LSM14B: variants seen among roughly 807,000 people sequenced by gnomAD.
LSM14B encodes the protein protein LSM14 homolog B.
In LSM14B, 8 loss-of-function variants were observed where a neutral mutation model predicts 42.1. The ratio of observed to expected loss-of-function variants is 0.19; its 90% CI spans 0.11 to 0.34. The LOEUF (loss-of-function observed/expected upper bound fraction) is 0.34. Among genes scored for constraint, LSM14B ranks in the 10% least tolerant of loss-of-function variants. The pLI is 1.00. For synonymous variants in LSM14B, 219 were observed against 209.7 expected (o/e 1.04, Z -0.38); for missense variants, 396 against 513.1 (o/e 0.77, Z 2.21).
At chr20:62,126,870 A>G (rs750913327) in intron 3 of LSM14B, among the ~76,000 whole-genome samples, 1 of 152,082 alleles carries the variant, frequency 6.6e-6, no homozygotes, top group Non-Finnish European at 1.5e-5. Flanking sequence ...GGTGGGACAC[A>G]CCTGTAATCC....
chr20:62,122,915 C>A lies in LSM14B; in HGVS notation c.127+122C>A. On this transcript the variant is annotated intron_variant, in intron 1 of 8. Coordinates refer to ENST00000279068, the MANE Select transcript of LSM14B (RefSeq NM_144703.3). This position sits in a 1 kb window ranked among gnomAD's most constrained non-coding sequence, Gnocchi z 4.6. Reference sequence around the variant, plus strand: ...GCCCAGACCCCGCCCAGAACCCACCCAGGGCACACCCGGCCCGAGATCCCC... The same window carrying A: ...GCCCAGACCCCGCCCAGAACCCACCAAGGGCACACCCGGCCCGAGATCCCC... 1.1e-6 allele frequency: 1 copy of A among 896,414 alleles called. No homozygotes were observed. The highest frequency in any genetic ancestry group is 1.4e-6 in the Non-Finnish European group (1 of 691,818). 55.5% of individuals were successfully genotyped at this position (896,414 alleles called of 1,614,324 possible).
Position 62,135,150 on chromosome 20 carries a change from G to C in LSM14B, c.*1002G>C, listed in dbSNP as rs1004784585. ...TCGATGGGTCAGAACTTTAGTATAC[G>C]CATGCGTCCTCTGAGTGACAGGGCA... On this transcript the variant is annotated 3_prime_UTR_variant, in exon 9 of 9. Coordinates refer to ENST00000279068, the MANE Select transcript of LSM14B (RefSeq NM_144703.3). The C allele has an allele frequency of 6.6e-6, 1 of 152,202 alleles. No homozygotes were observed. Among genetic ancestry groups the C allele is most frequent in the Admixed American group, 6.5e-5 (1 of 15,278 alleles). The allele number at this position is 152,202 out of a possible 1,614,324, so 9.4% of individuals were successfully genotyped here. A position where few individuals can be genotyped will look rare whatever the true frequency, so the allele number is the denominator to read the frequency against.
chr20:62,124,335 C>T (rs545326399), intron 1 of LSM14B, among the ~76,000 whole-genome samples: 7 of 152,354 alleles, frequency 4.6e-5, no homozygotes, highest in East Asian at 1.9e-4. Context: ...GAGCTCTGTA[C>T]GTTGGTGCCT....
At chr20:62,125,671 A>G (rs2145601434) in intron 2 of LSM14B, among the ~76,000 whole-genome samples, 1 of 152,334 alleles carries the variant, frequency 6.6e-6, no homozygotes, top group Non-Finnish European at 1.5e-5. Flanking sequence ...TTCAGACTGC[A>G]TTAGGTTCTG....
At chr20:62,128,459 A>G (rs948787276) in intron 3 of LSM14B, among the ~76,000 whole-genome samples, 32 of 152,214 alleles carry the variant, frequency 2.1e-4, no homozygotes, top group African/African-American at 7.5e-4. Context: ...CAAATCCTGC[A>G]TGCACTCTGT....
At chr20:62,123,089 GC>G (rs1000089661) in intron 1 of LSM14B, 36 of 163,562 alleles carry the variant, frequency 2.2e-4, no homozygotes, top group Non-Finnish European at 4.2e-4. Flanking sequence ...TGAGGGGCGG[GC>G]CCGGCCCCCG....
intron 7 of LSM14B, among the ~76,000 whole-genome samples, chr20:62,131,718 C>T (rs924179819): frequency 9.2e-5 from 14 of 152,124 alleles, no homozygotes; most frequent in African/African-American, 2.9e-4. Context: ...TGGCTGAGGT[C>T]GAGCCTGTTT....
chr20:62,128,973 T>A lies in LSM14B; in HGVS notation c.428-812T>A, dbSNP rs1023473923. 11 of 1,304,134 alleles carry A rather than the reference T, an allele frequency of 8.4e-6. No homozygotes were observed. The Admixed American group carries it at 2.5e-4, about 30-fold the overall frequency. The allele number at this position is 1,304,134 out of a possible 1,614,324, so 80.8% of individuals were successfully genotyped here. On this transcript the variant is annotated intron_variant, in intron 3 of 8. Coordinates refer to ENST00000279068, the MANE Select transcript of LSM14B (RefSeq NM_144703.3). The stretch of plus-strand genomic sequence containing the variant: ...CTGTTCACTTACACCCAGTCCCACA[T>A]TGTCCTGTTTAGAGTCCCTACAGGT...
Position 62,130,095 on chromosome 20 carries a change from C to T in LSM14B, c.596-124C>T. The T allele has an allele frequency of 6.9e-7, 1 of 1,442,512 alleles. No individual in the cohort carries two copies. Among genetic ancestry groups the T allele is most frequent in the South Asian group, 1.3e-5 (1 of 77,022 alleles). 89.4% of individuals were successfully genotyped at this position (1,442,512 alleles called of 1,614,324 possible). A position where few individuals can be genotyped will look rare whatever the true frequency, so the allele number is the denominator to read the frequency against. The stretch of plus-strand genomic sequence containing the variant: ...TGTGCTTTTGCAGGGCAGGCCTGTG[C>T]AGCAGCCTCCTGCGGTGCCGCCCTG... On this transcript the variant is annotated intron_variant, in intron 4 of 8. Coordinates refer to ENST00000279068, the MANE Select transcript of LSM14B (RefSeq NM_144703.3). This position sits in a 1 kb window ranked among gnomAD's most constrained non-coding sequence, Gnocchi z 4.1.
chr20:62,124,854 G>A, intron 2 of LSM14B, 74 bp downstream of exon 2: 1 of 1,465,234 alleles, frequency 6.8e-7, no homozygotes, highest in South Asian at 1.3e-5. Context: ...TGGCATGTTT[G>A]GTCAGAACGC....
intron 3 of LSM14B, chr20:62,127,726 A>G: frequency 1.4e-6 from 2 of 1,453,132 alleles, no homozygotes; most frequent in Non-Finnish European, 9.5e-7. Flanking sequence ...GGAGAACTGC[A>G]TGCTGTCTTG....
intron 7 of LSM14B, among the ~76,000 whole-genome samples, chr20:62,132,816 G>A (rs2056803783): frequency 6.6e-6 from 1 of 152,146 alleles, no homozygotes; most frequent in Non-Finnish European, 1.5e-5. Context: ...CAGCTTGTTT[G>A]GGTGGCATGA....
rs757653547 is a variant in LSM14B, at chr20:62,129,770, CCCT to C, written c.428-10_428-8del. On this transcript the variant is annotated splice_polypyrimidine_tract_variant and intron_variant, in intron 3 of 8. Transcript: ENST00000279068. ...TTCTCTCTGTTTTTAAACCCTCCTC[CCCT>C]CCTCAATTCAGGAGCTGGTTTTCCA... is the stretch of plus-strand genomic sequence containing the variant. The C allele has an allele frequency of 1.6e-5, 26 of 1,600,586 alleles. No homozygotes were observed. The highest frequency in any genetic ancestry group is 2.2e-5 in the Non-Finnish European group (26 of 1,173,850).
chr20:62,131,533 G>C, intron 7 of LSM14B, 27 bp downstream of exon 7: 3 of 1,609,092 alleles, frequency 1.9e-6, no homozygotes, highest in Non-Finnish European at 2.5e-6. Context: ...ATGAGGGGAG[G>C]ACAGTCCTCC....
rs751301835 is a variant in LSM14B, at chr20:62,130,958, C to T, written c.835+267C>T. Among the ~76,000 whole-genome samples the T allele has an allele frequency of 1.3e-5, 2 of 152,138 alleles. No individual in the cohort carries two copies. Among genetic ancestry groups the T allele is most frequent in the African/African-American group, 4.8e-5 (2 of 41,432 alleles). On this transcript the variant is annotated intron_variant, in intron 6 of 8. Transcript: ENST00000279068. The surrounding 1 kb of genome is among the most constrained non-coding windows in gnomAD (Gnocchi z 4.1). The stretch of plus-strand genomic sequence containing the variant: ...ACTCGGGAGACTGAGACAGGAGAAT[C>T]GTTTGAACCCAGGAGGTGGAGGTTG...
rs1484878088 is a variant in LSM14B at position 62,130,465 on chromosome 20, G to A, written c.674-65G>A. 19 of 1,584,504 alleles carry A rather than the reference G, an allele frequency of 1.2e-5. No homozygotes were observed. Among genetic ancestry groups the A allele is most frequent in the Non-Finnish European group, 1.6e-5 (19 of 1,163,684 alleles). On this transcript the variant is annotated intron_variant, in intron 5 of 8. Coordinates refer to ENST00000279068, the MANE Select transcript of LSM14B (RefSeq NM_144703.3). The surrounding 1 kb of genome is among the most constrained non-coding windows in gnomAD (Gnocchi z 4.1). ...TTGGGGGTGTGCCTGGAAATTCCTT[G>A]TGAGGTGTTTGAGATCACTGGGTTG...
Position 62,134,358 on chromosome 20 carries a change from A to AC in LSM14B, c.*212dup. The AC allele has an allele frequency of 2.1e-6, 1 of 470,654 alleles. No individual in the cohort carries two copies. Among genetic ancestry groups the AC allele is most frequent in the Non-Finnish European group, 4.4e-6 (1 of 226,848 alleles). The allele number at this position is 470,654 out of a possible 1,614,324, so 29.2% of individuals were successfully genotyped here. A position where few individuals can be genotyped will look rare whatever the true frequency, so the allele number is the denominator to read the frequency against. ...TGTTTTGGGGAAGTATTCATGGGTA[A>AC]CCTCTTTGAGGTCTCTTTATCTGTG... On this transcript the variant is annotated 3_prime_UTR_variant, in exon 9 of 9. Coordinates refer to ENST00000279068, the MANE Select transcript of LSM14B (RefSeq NM_144703.3).
Position 62,129,955 on chromosome 20 carries a change from A to G in LSM14B, c.595+3A>G. 1 of 1,608,522 alleles carries G rather than the reference A, an allele frequency of 6.2e-7. No homozygotes were observed. The highest frequency in any genetic ancestry group is 8.5e-7 in the Non-Finnish European group (1 of 1,177,666). ...GCCGAGCAGCAAGACGGCCAGCGGTACTTGAACACATCATTTCCTGGAGTT... is the reference window on the plus strand; with the variant it reads ...GCCGAGCAGCAAGACGGCCAGCGGTGCTTGAACACATCATTTCCTGGAGTT... On this transcript the variant is annotated splice_donor_region_variant and intron_variant, in intron 4 of 8. Coordinates refer to ENST00000279068, the MANE Select transcript of LSM14B (RefSeq NM_144703.3).
At position 62,130,597 on chromosome 20, in the gene LSM14B, C is replaced by T; in HGVS notation, c.741C>T (p.Ile247=). 11 of 1,613,952 alleles carry T rather than the reference C, an allele frequency of 6.8e-6. No homozygotes were observed. The highest frequency in any genetic ancestry group is 9.3e-6 in the Non-Finnish European group (11 of 1,179,880). Residue 247 remains isoleucine, a synonymous_variant, in exon 6 of 9, where the codon ATC becomes ATT. Coordinates refer to ENST00000279068, the MANE Select transcript of LSM14B (RefSeq NM_144703.3). The surrounding 1 kb of genome is among the most constrained non-coding windows in gnomAD (Gnocchi z 4.1). ...CAACTAACGTTAAGGAAAACACAAT[C>T]AAATTTGAGGGTGACTTTGATTTCG... ...NRPTNVKENT[I]KFEGDFDFES...
Sources: allele counts gnomAD v4.1 joint callset (sites outside exome capture counted in the v4.1 genomes callset), GRCh38; gene constraint gnomAD v4.1.1; non-coding constraint Gnocchi (gnomAD v3.1); transcripts MANE v1.5; gene names NCBI Gene and HGNC (gene_info 2026-07-23, HGNC 2026-07-21).